The following HHLA1 variants were observed in gnomAD, a reference collection of about 807,000 sequenced individuals.
The protein encoded by HHLA1 is HERV-H LTR-associating protein 1.
Under a neutral mutation model 69.9 loss-of-function variants are expected in HHLA1, and 72 were observed. That is an observed-to-expected ratio of 1.03 (90% CI 0.85 to 1.25). The LOEUF (loss-of-function observed/expected upper bound fraction) is 1.25, where lower values mean the gene tolerates loss of function less well. Ranked by LOEUF, HHLA1 falls within the 50% of genes most tolerant of loss-of-function variation. The probability of loss-of-function intolerance (pLI) is 0.00; values close to 1 mark genes in which losing one functional copy is unlikely to be tolerated. For missense variants in HHLA1, 685 were observed against 642.2 expected (o/e 1.07, Z -0.72); for synonymous variants, 252 against 233.2 (o/e 1.08, Z -0.73).
chr8:132,085,989 T>C (rs990603658), intron 10 of HHLA1, among the ~76,000 whole-genome samples: 2 of 152,186 alleles, frequency 1.3e-5, no homozygotes, highest in East Asian at 3.9e-4. Context: ...TGGCTTGGGC[T>C]CAGAGGCCTG....
At chr8:132,098,818 T>A in intron 5 of HHLA1, 64 bp downstream of exon 5, 1 of 1,018,318 alleles carries the variant, frequency 9.8e-7, no homozygotes, top group Non-Finnish European at 1.5e-6. Flanking sequence ...ACAGAAAGGT[T>A]CAGAAAAGAC....
chr8:132,065,830 C>T (rs1823427764), intron 16 of HHLA1, 56 bp downstream of exon 16: 1 of 788,024 alleles, frequency 1.3e-6, no homozygotes, highest in African/African-American at 1.8e-5. Flanking sequence ...TTTACAGGAC[C>T]CTTTTGTGTA....
At chr8:132,082,813 T>C (rs796714438) in intron 10 of HHLA1, among the ~76,000 whole-genome samples, 2 of 152,304 alleles carry the variant, frequency 1.3e-5, no homozygotes, top group African/African-American at 4.8e-5. Flanking sequence ...CAAAACAATT[T>C]CGTTGATAAG....
At chr8:132,098,696 A>G (rs1214721070) in intron 5 of HHLA1, among the ~76,000 whole-genome samples, 186 bp downstream of exon 5, 1 of 152,010 alleles carries the variant, frequency 6.6e-6, no homozygotes, top group Non-Finnish European at 1.5e-5. Context: ...TCCTGAGCTC[A>G]AGCAGCTTCC....
At chr8:132,067,070 C>T (rs1441008237) in intron 15 of HHLA1, among the ~76,000 whole-genome samples, 1 of 152,140 alleles carries the variant, frequency 6.6e-6, no homozygotes, top group East Asian at 1.9e-4. Context: ...AGTTGCTGGG[C>T]CTGGAGGGAC....
At chr8:132,078,171 A>AAC (rs34612835) in intron 11 of HHLA1, among the ~76,000 whole-genome samples, 200 bp from the exon 12 acceptor site, 21,948 of 144,342 alleles carry the variant, frequency 0.15, 1,821 homozygotes, top group Middle Eastern at 0.23. Flanking sequence ...AGCACCAATA[A>AAC]ACACACACAC....
intron 3 of HHLA1, among the ~76,000 whole-genome samples, chr8:132,100,499 A>G (rs1045434645): frequency 1.3e-5 from 2 of 152,234 alleles, no homozygotes; most frequent in African/African-American, 4.8e-5. Context: ...ACTTTCTAGA[A>G]CTGTAGAGCA....
In HHLA1 at chr8:132,098,881, C is replaced by A; in HGVS notation, c.280+1G>T. On this transcript the variant is annotated splice_donor_variant, in intron 5 of 16. Coordinates refer to ENST00000414222, the MANE Select transcript of HHLA1 (RefSeq NM_001145095.3). LOFTEE classifies it high-confidence loss of function. Reference sequence around the variant, plus strand: ...GGATTGTGCTTTTAAAATATGATTACCTTTTAACGCTCTACTGAGCATCCC... The same window carrying A: ...GGATTGTGCTTTTAAAATATGATTAACTTTTAACGCTCTACTGAGCATCCC... 6.5e-7 allele frequency: 1 copy of A among 1,541,070 alleles called. No homozygotes were observed. The highest frequency in any genetic ancestry group is 8.8e-7 in the Non-Finnish European group (1 of 1,137,768).
At chr8:132,098,247 A>G (rs1824053653) in intron 5 of HHLA1, among the ~76,000 whole-genome samples, 1 of 152,222 alleles carries the variant, frequency 6.6e-6, no homozygotes, top group African/African-American at 2.4e-5. Context: ...ATTTTGCTAG[A>G]CGCTAAAGAA....
chr8:132,096,122 T>A (rs1337613926), intron 5 of HHLA1, among the ~76,000 whole-genome samples: 1 of 152,226 alleles, frequency 6.6e-6, no homozygotes, highest in Non-Finnish European at 1.5e-5. Context: ...ATTTGTTCTC[T>A]CACAGTTCTG....
chr8:132,076,253 CA>C, intron 13 of HHLA1, 124 bp from the exon 14 acceptor site: 4 of 800,528 alleles, frequency 5.0e-6, no homozygotes, highest in Non-Finnish European at 6.0e-6. Context: ...AAATGATAGC[CA>C]AAAAAGGGGA....
At chr8:132,078,191 C>CACAG (rs911722499) in intron 11 of HHLA1, among the ~76,000 whole-genome samples, 1 of 151,938 alleles carries the variant, frequency 6.6e-6, no homozygotes. Context: ...CACACACACA[C>CACAG]ACACACACAC....
intron 3 of HHLA1, chr8:132,101,127 G>A (rs1824104342): frequency 1.3e-5 from 19 of 1,510,448 alleles, no homozygotes; most frequent in Non-Finnish European, 1.6e-5. Flanking sequence ...TGGAGAAGGT[G>A]CTGTATTTTA....
intron 15 of HHLA1, among the ~76,000 whole-genome samples, chr8:132,067,863 C>G (rs1335924583): frequency 6.6e-6 from 1 of 152,200 alleles, no homozygotes; most frequent in Admixed American, 6.5e-5. Context: ...GATTGAATGA[C>G]TAGCTCAAGA....
At chr8:132,102,687 G>C (rs113967100) in intron 3 of HHLA1, among the ~76,000 whole-genome samples, 8 of 152,118 alleles carry the variant, frequency 5.3e-5, no homozygotes, top group East Asian at 1.9e-4. Context: ...ATGTCAGTTC[G>C]GGGTCTCCAG....
intron 11 of HHLA1, among the ~76,000 whole-genome samples, chr8:132,078,705 C>T (rs913718724): frequency 1.3e-5 from 2 of 152,130 alleles, no homozygotes; most frequent in Non-Finnish European, 2.9e-5. Context: ...CCTGGGCTCT[C>T]TCCTAGGTCT....
intron 3 of HHLA1, among the ~76,000 whole-genome samples, chr8:132,102,549 C>A (rs771686112): frequency 1.2e-4 from 18 of 152,234 alleles, no homozygotes; most frequent in Non-Finnish European, 1.9e-4. Context: ...CCTCAGGCAC[C>A]CGTGTGGCAC....
At chr8:132,071,285 G>T in intron 15 of HHLA1, 55 bp downstream of exon 15, 1 of 1,484,596 alleles carries the variant, frequency 6.7e-7, no homozygotes, top group Non-Finnish European at 9.1e-7. Flanking sequence ...AAAGCCACAC[G>T]GAATAAGAAA....
intron 10 of HHLA1, among the ~76,000 whole-genome samples, chr8:132,083,813 A>G (rs1823806723): frequency 6.6e-6 from 1 of 152,218 alleles, no homozygotes; most frequent in Non-Finnish European, 1.5e-5. Flanking sequence ...AGTGGAGGCA[A>G]GGAATTGCAA....
Sources: gnomAD v4.1 joint callset for allele counts (sites outside exome capture counted in the v4.1 genomes callset) on GRCh38, gnomAD v4.1.1 for gene constraint, MANE v1.5 for transcripts, NCBI Gene and HGNC (gene_info 2026-07-23, HGNC 2026-07-21) for gene names.